AR: variants seen among roughly 807,000 people sequenced by gnomAD.
AR encodes androgen receptor, also known as dihydrotestosterone receptor.
In AR, 8 loss-of-function variants were observed where a neutral mutation model predicts 53.9. The ratio of observed to expected loss-of-function variants is 0.15; its 90% CI spans 0.09 to 0.27. The LOEUF (loss-of-function observed/expected upper bound fraction) is 0.27, where lower values mean the gene tolerates loss of function less well. Ranked by LOEUF, AR falls within the 10% of genes least tolerant of loss-of-function variation. AR has a pLI of 1.00. For missense variants in AR, 639 were observed against 742.5 expected, an observed-to-expected ratio of 0.86 and a Z score of 1.62; for synonymous variants, 359 against 316.4, an observed-to-expected ratio of 1.13 and a Z score of -1.43.
At chrX:67,723,084 T>G in intron 7 of AR, 100 bp downstream of exon 7, 1 of 1,006,181 alleles carries the variant, frequency 9.9e-7, no homozygotes, top group Non-Finnish European at 1.4e-6. Flanking sequence ...TGGGAGGTGC[T>G]TCCATTCCCC....
chrX:67,662,681 G>A (rs1927000787), intron 2 of AR, among the ~76,000 whole-genome samples: 1 of 111,276 alleles, frequency 9.0e-6, no homozygotes, highest in Non-Finnish European at 1.9e-5. Flanking sequence ...GATTTGGGGT[G>A]GAGAGTTCTG....
At chrX:67,595,137 C>T (rs1416554019) in intron 1 of AR, among the ~76,000 whole-genome samples, 1 of 111,382 alleles carries the variant, frequency 9.0e-6, no homozygotes, top group African/African-American at 3.3e-5. Flanking sequence ...AGTGCTCAAA[C>T]CTGCCTCTCT....
At chrX:67,695,385 C>T (rs775089338) in intron 3 of AR, 13 of 751,539 alleles carry the variant, frequency 1.7e-5, no homozygotes, top group African/African-American at 2.3e-5. Context: ...GCCAGCCAAC[C>T]CCTCTCTTCA....
intron 1 of AR, among the ~76,000 whole-genome samples, chrX:67,561,228 G>A (rs902587900): frequency 8.9e-6 from 1 of 111,960 alleles, no homozygotes; most frequent in Non-Finnish European, 1.9e-5. Flanking sequence ...GGTGTACACA[G>A]TAGGTATTCC....
At chrX:67,608,050 C>T (rs768388241) in intron 1 of AR, among the ~76,000 whole-genome samples, 2 of 112,048 alleles carry the variant, frequency 1.8e-5, no homozygotes, top group South Asian at 3.7e-4. Flanking sequence ...GTCCGATGCC[C>T]AGCAGAGCCG....
intron 1 of AR, among the ~76,000 whole-genome samples, chrX:67,562,634 C>T (rs969313493): frequency 3.6e-5 from 4 of 111,093 alleles, no homozygotes; most frequent in Non-Finnish European, 7.5e-5. Flanking sequence ...TCGAGTATGT[C>T]ATCCCCATCA....
chrX:67,664,026 T>A (rs1927107835), intron 2 of AR, among the ~76,000 whole-genome samples: 1 of 111,740 alleles, frequency 8.9e-6, no homozygotes, highest in East Asian at 2.8e-4. Flanking sequence ...TTTGTCTAAT[T>A]TTTTTTCAAG....
intron 1 of AR, among the ~76,000 whole-genome samples, chrX:67,598,569 G>T (rs1002159648): frequency 9.0e-6 from 1 of 111,104 alleles, no homozygotes; most frequent in Admixed American, 9.5e-5. Flanking sequence ...GTGAGCCACC[G>T]CACCCCACCT....
intron 1 of AR, among the ~76,000 whole-genome samples, chrX:67,592,979 TCTAA>T (rs1359702245): frequency 8.9e-6 from 1 of 112,080 alleles, no homozygotes; most frequent in Non-Finnish European, 1.9e-5. Flanking sequence ...AAGAATATTA[TCTAA>T]CTAACCCCAA....
chrX:67,689,419 C>A, intron 3 of AR: 1 of 331,074 alleles, frequency 3.0e-6, no homozygotes, highest in Non-Finnish European at 4.3e-6. Context: ...GCCTCAAGAT[C>A]TTTAATCTGG....
At chrX:67,601,111 C>A (rs1480285409) in intron 1 of AR, among the ~76,000 whole-genome samples, 1 of 111,931 alleles carries the variant, frequency 8.9e-6, no homozygotes, top group Non-Finnish European at 1.9e-5. Flanking sequence ...TTATTTCTGG[C>A]AAACTTGTTG....
intron 1 of AR, among the ~76,000 whole-genome samples, chrX:67,583,969 C>T (rs190079925): frequency 2.3e-4 from 26 of 112,173 alleles, no homozygotes; most frequent in Admixed American, 1.8e-3. Flanking sequence ...TGCTTATTCA[C>T]ATAGTAAACG....
intron 2 of AR, among the ~76,000 whole-genome samples, chrX:67,659,217 T>TCTTA (rs1474135948): frequency 9.0e-6 from 1 of 110,776 alleles, no homozygotes; most frequent in African/African-American, 3.3e-5. Flanking sequence ...ACTCAATTTC[T>TCTTA]CTTACTTTTT....
intron 2 of AR, among the ~76,000 whole-genome samples, chrX:67,653,240 A>G (rs1325555469): frequency 8.9e-6 from 1 of 112,281 alleles, no homozygotes; most frequent in Non-Finnish European, 1.9e-5. Context: ...CAATTTACAA[A>G]TGAGGAAACT....
intron 1 of AR, among the ~76,000 whole-genome samples, chrX:67,628,458 GA>G (rs1924832269): frequency 9.3e-6 from 1 of 107,284 alleles, no homozygotes; most frequent in Non-Finnish European, 1.9e-5. Flanking sequence ...TGGTGTATAA[GA>G]ATGCTGTGAT....
chrX:67,688,460 G>A (rs1317014016), intron 3 of AR, among the ~76,000 whole-genome samples: 2 of 111,578 alleles, frequency 1.8e-5, no homozygotes, highest in East Asian at 5.6e-4. Context: ...GGCTTAATAT[G>A]ACATTGAGGT....
At chrX:67,580,695 A>G (rs1253215538) in intron 1 of AR, among the ~76,000 whole-genome samples, 2 of 108,051 alleles carry the variant, frequency 1.9e-5, no homozygotes, top group Non-Finnish European at 3.9e-5. Context: ...TTTTACCTCT[A>G]CTCCTTTTCC....
chrX:67,621,234 C>T (rs779253204), intron 1 of AR, among the ~76,000 whole-genome samples: 1 of 111,231 alleles, frequency 9.0e-6, no homozygotes, highest in African/African-American at 3.3e-5. Context: ...TGAAATTTCC[C>T]CCAAATGATG....
intron 3 of AR, among the ~76,000 whole-genome samples, chrX:67,707,527 A>G (rs1269212630): frequency 9.0e-6 from 1 of 111,456 alleles, no homozygotes; most frequent in Non-Finnish European, 1.9e-5. Context: ...TTGAGCCTAT[A>G]TGTGTCTCTG....
Sources: gnomAD v4.1 joint callset for allele counts (sites outside exome capture counted in the v4.1 genomes callset) on GRCh38, gnomAD v4.1.1 for gene constraint, MANE v1.5 for transcripts, NCBI Gene and HGNC (gene_info 2026-07-23, HGNC 2026-07-21) for gene names.